The following KIAA0319L variants were observed in gnomAD, a reference collection of about 807,000 sequenced individuals.
The protein encoded by KIAA0319L is dyslexia-associated protein KIAA0319-like protein.
Under a neutral mutation model 120.1 loss-of-function variants are expected in KIAA0319L, and 55 were observed. That is an observed-to-expected ratio of 0.46 (90% CI 0.37 to 0.57). The LOEUF is 0.57. Among genes scored for constraint, KIAA0319L ranks in the 20% least tolerant of loss-of-function variants. The pLI is 0.00. For missense variants in KIAA0319L, 1,049 were observed against 1,255.3 expected (o/e 0.84, Z 2.48); for synonymous variants, 398 against 471.9 (o/e 0.84, Z 2.03).
At chr1:35,479,947 CAAAAA>C (rs71062878) in intron 3 of KIAA0319L, among the ~76,000 whole-genome samples, 3 of 32,314 alleles carry the variant, frequency 9.3e-5, no homozygotes, top group Non-Finnish European at 1.2e-4. Flanking sequence ...TATGATGAGC[CAAAAA>C]AAAAAAAAAA....
At chr1:35,510,707 A>G (rs1232911598) in intron 2 of KIAA0319L, 1 of 151,946 alleles carries the variant, frequency 6.6e-6, no homozygotes, top group Non-Finnish European at 1.5e-5. Context: ...TTCGGGCCCA[A>G]GCAATCCTCC....
intron 6 of KIAA0319L, among the ~76,000 whole-genome samples, chr1:35,468,980 CA>C (rs1489949663): frequency 5.3e-5 from 8 of 152,298 alleles, no homozygotes; most frequent in Admixed American, 5.2e-4. Flanking sequence ...AATAAGTGTA[CA>C]AAATAATCGG....
In KIAA0319L at chr1:35,516,712, A is replaced by C. The variant is rs147691304; in HGVS notation, c.143-9577T>G. ...ATTAGAAATCCTAGACATAGCAATC[A>C]GGTAAGAGAAAGAAATAAAGGGCAT... On this transcript the variant is annotated intron_variant, in intron 2 of 20. Coordinates refer to ENST00000325722, the MANE Select transcript of KIAA0319L (RefSeq NM_024874.5). 1.7e-3 allele frequency among the ~76,000 whole-genome samples: 262 copies of C among 152,338 alleles called. 1 individual carries two copies. Among genetic ancestry groups the C allele is most frequent in the Non-Finnish European group, 1.6e-3 (111 of 68,030 alleles).
At chr1:35,435,795 T>C (rs761846641) in intron 20 of KIAA0319L, among the ~76,000 whole-genome samples, 5 of 152,198 alleles carry the variant, frequency 3.3e-5, no homozygotes, top group African/African-American at 4.8e-5. Flanking sequence ...CTTATCCCTA[T>C]AGATGCCGAG....
intron 9 of KIAA0319L, among the ~76,000 whole-genome samples, chr1:35,457,177 C>T (rs1642531551): frequency 6.6e-6 from 1 of 152,010 alleles, no homozygotes; most frequent in Non-Finnish European, 1.5e-5. Context: ...CTAAGTAACC[C>T]ACCCAAGGGC....
intron 17 of KIAA0319L, 143 bp downstream of exon 17, chr1:35,444,018 C>G: frequency 2.9e-6 from 2 of 680,424 alleles, no homozygotes; most frequent in Admixed American, 3.5e-5. Context: ...AATCAGGACT[C>G]TTTCATGGTA....
intron 2 of KIAA0319L, among the ~76,000 whole-genome samples, chr1:35,532,533 A>T (rs1032642112): frequency 6.6e-6 from 1 of 152,214 alleles, no homozygotes; most frequent in Non-Finnish European, 1.5e-5. Flanking sequence ...ACTTAAGATT[A>T]AATTTTCAGT....
At chr1:35,463,733 C>G (rs1322167661) in intron 7 of KIAA0319L, among the ~76,000 whole-genome samples, 2 of 152,204 alleles carry the variant, frequency 1.3e-5, no homozygotes, top group Non-Finnish European at 2.9e-5. Context: ...ATATGTACCA[C>G]TGTTGATATG....
intron 17 of KIAA0319L, 108 bp from the exon 18 acceptor site, chr1:35,443,136 G>T: frequency 7.3e-7 from 1 of 1,365,158 alleles, no homozygotes; most frequent in Non-Finnish European, 1.0e-6. Context: ...ATGCTATGTG[G>T]TGAAATGTCC....
chr1:35,529,983 C>CTT (rs1204726576), intron 2 of KIAA0319L, among the ~76,000 whole-genome samples: 26 of 138,620 alleles, frequency 1.9e-4, no homozygotes, highest in African/African-American at 4.5e-4. Context: ...GTCACAATGC[C>CTT]TTTTTTTTTT....
At chr1:35,441,545 A>G (rs891396863) in intron 19 of KIAA0319L, among the ~76,000 whole-genome samples, 2 of 152,104 alleles carry the variant, frequency 1.3e-5, no homozygotes, top group Non-Finnish European at 1.5e-5. Flanking sequence ...AAGAGGTTAT[A>G]CTGAAAGTTG....
chr1:35,450,383 C>T lies in KIAA0319L; in HGVS notation c.2189G>A (p.Arg730Gln), dbSNP rs746873124. ...DKGIVSYLWTRDEGSPAAGEV... is the reference protein window; with the variant it reads ...DKGIVSYLWTQDEGSPAAGEV... The stretch of plus-strand genomic sequence containing the variant: ...CCCTGCTGCTGGGCTCCCCTCATCT[C>T]GAGTCCAGAGGTAGCTGACTATTCC... Residue 730 changes from arginine to glutamine, a missense_variant, in exon 14 of 21, where the codon CGA (arginine) becomes CAA (glutamine). Coordinates refer to ENST00000325722, the MANE Select transcript of KIAA0319L (RefSeq NM_024874.5). 1.2e-6 allele frequency: 2 copies of T among 1,613,978 alleles called. No homozygotes were observed. Among genetic ancestry groups the T allele is most frequent in the Admixed American group, 1.7e-5 (1 of 60,026 alleles).
At chr1:35,456,333 C>T (rs1354091967) in intron 9 of KIAA0319L, 92 bp from the exon 10 acceptor site, 1 of 833,076 alleles carries the variant, frequency 1.2e-6, no homozygotes, top group East Asian at 2.6e-5. Context: ...TAAGAAATAC[C>T]AATGTGGCAA....
At chr1:35,513,288 A>ATATATATATTTT (rs1414704674) in intron 2 of KIAA0319L, among the ~76,000 whole-genome samples, 1 of 85,302 alleles carries the variant, frequency 1.2e-5, no homozygotes, top group East Asian at 2.9e-4. Context: ...ATATATATAT[A>ATATATATATTTT]TTTTTTTTTT....
Position 35,453,460 on chromosome 1 carries a change from G to A in KIAA0319L, c.1913+97C>T. ...CTTCCTCAGTCACCCCACTGGATAAGCCAATAAGAGCAACTCAACTCATAA... is the reference window on the plus strand; with the variant it reads ...CTTCCTCAGTCACCCCACTGGATAAACCAATAAGAGCAACTCAACTCATAA... On this transcript the variant is annotated intron_variant, in intron 12 of 20. Coordinates refer to ENST00000325722, the MANE Select transcript of KIAA0319L (RefSeq NM_024874.5). The surrounding 1 kb of genome is among the most constrained non-coding windows in gnomAD (Gnocchi z 4.1). 8.6e-7 allele frequency: 1 copy of A among 1,158,532 alleles called. No individual in the cohort carries two copies. 71.8% of individuals were successfully genotyped at this position (1,158,532 alleles called of 1,614,324 possible).
chr1:35,504,183 G>A (rs950262174), intron 3 of KIAA0319L, among the ~76,000 whole-genome samples: 1 of 145,516 alleles, frequency 6.9e-6, no homozygotes, highest in Non-Finnish European at 1.5e-5. Flanking sequence ...GCCGTGCCCA[G>A]CCCCTTATGA....
rs67198806 is a variant in KIAA0319L, at chr1:35,513,288, A to ATTTTTT, written c.143-6159_143-6154dup. On this transcript the variant is annotated intron_variant, in intron 2 of 20. Coordinates refer to ENST00000325722, the MANE Select transcript of KIAA0319L (RefSeq NM_024874.5). ...ATAACATATATATATATATATATAT[A>ATTTTTT]TTTTTTTTTTTTTTTTTTTCTGTCC... 2.0e-4 allele frequency among the ~76,000 whole-genome samples: 17 copies of ATTTTTT among 85,296 alleles called. 1 individual carries two copies. Among genetic ancestry groups the ATTTTTT allele is most frequent in the African/African-American group, 6.4e-4 (15 of 23,490 alleles). The allele number at this position is 85,296 out of a possible 152,430, so 56.0% of individuals were successfully genotyped here.
intron 15 of KIAA0319L, among the ~76,000 whole-genome samples, 158 bp downstream of exon 15, chr1:35,449,709 C>T (rs944086968): frequency 2.0e-5 from 3 of 152,146 alleles, no homozygotes; most frequent in Non-Finnish European, 4.4e-5. Context: ...TTGGAACAGA[C>T]GGTCTCTATG....
intron 2 of KIAA0319L, among the ~76,000 whole-genome samples, chr1:35,550,287 G>A (rs1045939285): frequency 3.9e-5 from 6 of 152,194 alleles, no homozygotes; most frequent in Non-Finnish European, 5.9e-5. Context: ...GCCTTAATTT[G>A]GTTAGTTTTT....
Sources: allele counts gnomAD v4.1 joint callset (sites outside exome capture counted in the v4.1 genomes callset), GRCh38; gene constraint gnomAD v4.1.1; non-coding constraint Gnocchi (gnomAD v3.1); transcripts MANE v1.5; gene names NCBI Gene and HGNC (gene_info 2026-07-23, HGNC 2026-07-21).